The following PDGFRL variants were observed in gnomAD, a reference collection of about 807,000 sequenced individuals.
The protein encoded by PDGFRL is platelet-derived growth factor receptor-like protein.
A neutral mutation model predicts 37.2 loss-of-function variants in PDGFRL; 46 were observed. The observed-to-expected ratio is 1.24, with a 90% CI of 0.98 to 1.58. The LOEUF (loss-of-function observed/expected upper bound fraction) is 1.58, where lower values mean the gene tolerates loss of function less well. PDGFRL is among the 40% of genes most tolerant of loss of function. The pLI is 0.00. For missense variants in PDGFRL, 692 were observed against 467.6 expected, an observed-to-expected ratio of 1.48 and a Z score of -4.43; for synonymous variants, 251 against 184.3, an observed-to-expected ratio of 1.36 and a Z score of -2.93.
At chr8:17,592,755 C>G (rs1050273731) in intron 2 of PDGFRL, among the ~76,000 whole-genome samples, 2 of 152,290 alleles carry the variant, frequency 1.3e-5, no homozygotes, top group South Asian at 4.1e-4. Context: ...CTTGCTGTTT[C>G]CTCTTCCCAG....
At position 17,589,509 on chromosome 8, in the gene PDGFRL, C is replaced by A. The variant is rs374832042; in HGVS notation, c.97C>A (p.Pro33Thr). 115 of 1,613,736 alleles carry A rather than the reference C, an allele frequency of 7.1e-5. No homozygotes were observed. The highest frequency in any genetic ancestry group is 8.0e-5 in the Non-Finnish European group (94 of 1,179,834). Residue 33 changes from proline (P) to threonine (T), a missense_variant, in exon 2 of 6, where the codon CCA (proline) becomes ACA (threonine). By Grantham distance (38) the Pro-to-Thr change is conservative. Coordinates refer to ENST00000251630, the MANE Select transcript of PDGFRL (RefSeq NM_001372073.1). ...TCCCAAGAACAAGCGTCCAAAAGAACCAGGAGAGAATAGAATCAAACCTAC... is the reference window on the plus strand; with the variant it reads ...TCCCAAGAACAAGCGTCCAAAAGAAACAGGAGAGAATAGAATCAAACCTAC... ...HLPKNKRPKEPGENRIKPTNK... is the reference protein window; with the variant it reads ...HLPKNKRPKETGENRIKPTNK...
At chr8:17,582,332 G>A (rs1184476528) in intron 1 of PDGFRL, among the ~76,000 whole-genome samples, 1 of 152,128 alleles carries the variant, frequency 6.6e-6, no homozygotes, top group Non-Finnish European at 1.5e-5. Flanking sequence ...GCTCACGCCT[G>A]TAATCCCAGC....
Position 17,589,731 on chromosome 8 carries a change from G to A in PDGFRL, c.319G>A (p.Ala107Thr). The A allele has an allele frequency of 6.2e-7, 1 of 1,612,520 alleles. No individual in the cohort carries two copies. Among genetic ancestry groups the A allele is most frequent in the African/African-American group, 1.3e-5 (1 of 75,004 alleles). ...KGSRIGWSYPAYLDTFKDSRL... is the reference protein window; with the variant it reads ...KGSRIGWSYPTYLDTFKDSRL... Reference sequence around the variant, plus strand: ...GAGTAGAATTGGGTGGAGCTACCCTGCGTATCTGGACACCTTTAAGGATTC... The same window carrying A: ...GAGTAGAATTGGGTGGAGCTACCCTACGTATCTGGACACCTTTAAGGATTC... Residue 107 changes from alanine (A) to threonine (T), a missense_variant, in exon 2 of 6, where the codon GCG (alanine) becomes ACG (threonine). By Grantham distance (58) the Ala-to-Thr change is moderately conservative. Transcript: ENST00000251630.
chr8:17,577,450 A>C, intron 1 of PDGFRL, 143 bp downstream of exon 1: 1 of 717,506 alleles, frequency 1.4e-6, no homozygotes, highest in Non-Finnish European at 2.5e-6. Flanking sequence ...TGCCCGGTGC[A>C]CCTGCCCCCT....
At chr8:17,610,690 C>T (rs1427144526) in intron 2 of PDGFRL, among the ~76,000 whole-genome samples, 1 of 152,180 alleles carries the variant, frequency 6.6e-6, no homozygotes, top group African/African-American at 2.4e-5. Context: ...GTGGCAGGAT[C>T]CCTTGAGCTC....
At position 17,582,437 on chromosome 8, in the gene PDGFRL, C is replaced by T. The variant is rs548935635; in HGVS notation, c.55+5130C>T. 7.2e-5 allele frequency among the ~76,000 whole-genome samples: 11 copies of T among 152,030 alleles called. No individual in the cohort carries two copies. In the East Asian group the frequency reaches 1.9e-3, roughly 27 times the overall value. On this transcript the variant is annotated intron_variant, in intron 1 of 5. Transcript: ENST00000251630. ...TCTCTATTACAATACAAGAAGTTAG[C>T]CTGATGTCGTGGTGCGCACCTGTAG... is the stretch of plus-strand genomic sequence containing the variant.
chr8:17,617,723 T>C lies in PDGFRL; in HGVS notation c.354-3328T>C, dbSNP rs544402409. Among the ~76,000 whole-genome samples the C allele has an allele frequency of 2.0e-5, 3 of 152,340 alleles. No homozygotes were observed. In the South Asian group the frequency reaches 6.2e-4, roughly 32 times the overall value. On this transcript the variant is annotated intron_variant, in intron 2 of 5. Coordinates refer to ENST00000251630, the MANE Select transcript of PDGFRL (RefSeq NM_001372073.1). Reference sequence around the variant, plus strand: ...GTTTCCTTCCTTCCGCCCCCAAACCTACTAAAGATACAGCATGCAGATTGC... The same window carrying C: ...GTTTCCTTCCTTCCGCCCCCAAACCCACTAAAGATACAGCATGCAGATTGC...
chr8:17,629,600 C>A (rs1341416565), intron 4 of PDGFRL, among the ~76,000 whole-genome samples: 1 of 152,176 alleles, frequency 6.6e-6, no homozygotes, highest in African/African-American at 2.4e-5. Context: ...CCTGTCACTC[C>A]CATGCATTCA....
At chr8:17,619,744 C>T (rs747786129) in intron 2 of PDGFRL, among the ~76,000 whole-genome samples, 9 of 152,168 alleles carry the variant, frequency 5.9e-5, no homozygotes, top group Non-Finnish European at 8.8e-5. Flanking sequence ...TGCTTACAAA[C>T]GATTCATGAG....
intron 2 of PDGFRL, among the ~76,000 whole-genome samples, chr8:17,592,834 G>T (rs1377183217): frequency 6.6e-6 from 1 of 152,096 alleles, no homozygotes; most frequent in African/African-American, 2.4e-5. Context: ...ACTTAGCTGA[G>T]TGGTTGGCGG....
chr8:17,643,106 G>A lies in PDGFRL; in HGVS notation c.*305G>A. 2.7e-5 allele frequency: 7 copies of A among 260,130 alleles called. No individual in the cohort carries two copies. Among genetic ancestry groups the A allele is most frequent in the Non-Finnish European group, 5.0e-5 (7 of 139,176 alleles). 16.1% of individuals were successfully genotyped at this position (260,130 alleles called of 1,614,324 possible). ...ATTTCTATTAAATGAGCACGTTTTT[G>A]TAAAAAATAAAAAGTGGGATAAGTG... On this transcript the variant is annotated 3_prime_UTR_variant, in exon 6 of 6. Coordinates refer to ENST00000251630, the MANE Select transcript of PDGFRL (RefSeq NM_001372073.1).
intron 2 of PDGFRL, among the ~76,000 whole-genome samples, chr8:17,611,779 C>T (rs987537122): frequency 6.6e-6 from 1 of 152,154 alleles, no homozygotes; most frequent in Non-Finnish European, 1.5e-5. Flanking sequence ...GAAAGTATAT[C>T]TGATACGTGA....
chr8:17,638,115 A>C (rs1805009441), intron 5 of PDGFRL, among the ~76,000 whole-genome samples: 2 of 152,018 alleles, frequency 1.3e-5, no homozygotes, highest in South Asian at 4.1e-4. Flanking sequence ...TGGTTTTTCC[A>C]GTCCTTGAGG....
intron 5 of PDGFRL, among the ~76,000 whole-genome samples, chr8:17,638,717 T>C (rs1805024428): frequency 7.6e-6 from 1 of 131,804 alleles, no homozygotes; most frequent in Non-Finnish European, 1.6e-5. Context: ...TTTATAAATT[T>C]GGGAGCTCTG....
chr8:17,577,662 C>T (rs958071027), intron 1 of PDGFRL, among the ~76,000 whole-genome samples: 4 of 151,824 alleles, frequency 2.6e-5, no homozygotes, highest in African/African-American at 9.7e-5. Context: ...AGCCTCGGAT[C>T]GCTTCCACCT....
At chr8:17,591,490 A>T (rs747609255) in intron 2 of PDGFRL, among the ~76,000 whole-genome samples, 2 of 151,932 alleles carry the variant, frequency 1.3e-5, no homozygotes, top group African/African-American at 2.4e-5. Context: ...TATGTGTAGA[A>T]TGAAGGGTAG....
At chr8:17,600,643 A>AG in intron 2 of PDGFRL, among the ~76,000 whole-genome samples, 1 of 151,950 alleles carries the variant, frequency 6.6e-6, no homozygotes, top group East Asian at 1.9e-4. Context: ...TCTAAAAAAA[A>AG]AATTGTTTTA....
At chr8:17,581,207 G>A (rs2517269) in intron 1 of PDGFRL, among the ~76,000 whole-genome samples, 95,923 of 151,410 alleles carry the variant, frequency 0.63, 30,784 homozygotes, top group Middle Eastern at 0.77. Flanking sequence ...ATAGCCATAA[G>A]CCTGCCTGAA....
chr8:17,589,538 C>T lies in PDGFRL; in HGVS notation c.126C>T (p.Asn42=). The T allele has an allele frequency of 6.2e-7, 1 of 1,613,506 alleles. No homozygotes were observed. Among genetic ancestry groups the T allele is most frequent in the South Asian group, 1.1e-5 (1 of 91,070 alleles). The stretch of plus-strand genomic sequence containing the variant: ...GAGAGAATAGAATCAAACCTACCAA[C>T]AAGAAGGTGAAGCCCAAAATTCCTA... ...EPGENRIKPT[N]KKVKPKIPKM... Residue 42 remains asparagine (N), a synonymous_variant, in exon 2 of 6, where the codon AAC becomes AAT. Transcript: ENST00000251630.
Sources: gnomAD v4.1 joint callset for allele counts (sites outside exome capture counted in the v4.1 genomes callset) on GRCh38, gnomAD v4.1.1 for gene constraint, MANE v1.5 for transcripts, NCBI Gene and HGNC (gene_info 2026-07-23, HGNC 2026-07-21) for gene names.